SCN9A: variants seen among roughly 807,000 people sequenced by gnomAD.
SCN9A encodes the protein sodium channel protein type 9 subunit alpha.
SCN9A carries 131 observed loss-of-function variants against 187.0 expected under a neutral mutation model. That is an observed-to-expected ratio of 0.70 (90% CI 0.61 to 0.81). The LOEUF (loss-of-function observed/expected upper bound fraction) is 0.81, where lower values mean the gene tolerates loss of function less well. Among genes scored for constraint, SCN9A ranks in the 30% least tolerant of loss-of-function variants. SCN9A has a pLI of 0.00. For synonymous variants in SCN9A, 809 were observed against 808.6 expected (o/e 1.00, Z -0.01); for missense variants, 2,252 against 2,396.6 (o/e 0.94, Z 1.26).
intron 24 of SCN9A, among the ~76,000 whole-genome samples, chr2:166,209,823 A>G (rs1159944440): frequency 1.3e-5 from 2 of 152,144 alleles, no homozygotes; most frequent in African/African-American, 4.8e-5. Context: ...GCTGGAGAGG[A>G]TGTGGAGAAA....
intron 21 of SCN9A, among the ~76,000 whole-genome samples, 153 bp downstream of exon 21, chr2:166,233,187 G>GTATATA (rs1695169445): frequency 3.8e-5 from 3 of 78,062 alleles, no homozygotes; most frequent in African/African-American, 1.6e-4. Flanking sequence ...ATACATATAT[G>GTATATA]CATATGTATA....
chr2:166,331,368 T>C (rs979305724), intron 1 of SCN9A, among the ~76,000 whole-genome samples: 1 of 152,190 alleles, frequency 6.6e-6, no homozygotes, highest in African/African-American at 2.4e-5. Context: ...AAATTTTCAG[T>C]ATTACTGTCA....
intron 1 of SCN9A, among the ~76,000 whole-genome samples, chr2:166,328,261 T>A (rs1405968603): frequency 6.6e-6 from 1 of 151,738 alleles, no homozygotes; most frequent in Non-Finnish European, 1.5e-5. Context: ...ATTTTTTTTT[T>A]AACTTTTATT....
chr2:166,361,392 T>G (rs192366053), intron 1 of SCN9A, among the ~76,000 whole-genome samples: 1 of 152,254 alleles, frequency 6.6e-6, no homozygotes, highest in Non-Finnish European at 1.5e-5. Context: ...GACTAAAATG[T>G]ATGCTTATAG....
At chr2:166,245,438 A>C (rs1695744720) in intron 18 of SCN9A, among the ~76,000 whole-genome samples, 1 of 152,118 alleles carries the variant, frequency 6.6e-6, no homozygotes, top group South Asian at 2.1e-4. Flanking sequence ...GAGATGAACA[A>C]GAAGGACCAA....
At chr2:166,200,472 T>G (rs1480329876) in intron 26 of SCN9A, among the ~76,000 whole-genome samples, 1 of 152,062 alleles carries the variant, frequency 6.6e-6, no homozygotes, top group African/African-American at 2.4e-5. Flanking sequence ...ACATAGAAAA[T>G]TCAAGCAATA....
intron 18 of SCN9A, among the ~76,000 whole-genome samples, chr2:166,251,235 T>C (rs1357825928): frequency 6.6e-6 from 1 of 151,862 alleles, no homozygotes; most frequent in East Asian, 1.9e-4. Context: ...TGGGGAGAAA[T>C]CATTATTTAC....
chr2:166,323,405 C>G (rs909022493), intron 1 of SCN9A, among the ~76,000 whole-genome samples: 8 of 152,272 alleles, frequency 5.3e-5, no homozygotes, highest in African/African-American at 1.9e-4. Flanking sequence ...GGGGGACTTC[C>G]TTTCATCCCC....
intron 24 of SCN9A, among the ~76,000 whole-genome samples, chr2:166,223,797 T>C (rs1409539450): frequency 2.0e-5 from 3 of 152,214 alleles, no homozygotes; most frequent in African/African-American, 7.2e-5. Flanking sequence ...TTGTTTTTTT[T>C]CTTTGGAATA....
At chr2:166,203,192 A>C (rs927219948) in intron 26 of SCN9A, among the ~76,000 whole-genome samples, 22 of 152,022 alleles carry the variant, frequency 1.4e-4, no homozygotes, top group African/African-American at 4.6e-4. Flanking sequence ...TTATGATTCT[A>C]AGTCATGCAA....
At chr2:166,274,666 C>T (rs1362543457) in intron 16 of SCN9A, among the ~76,000 whole-genome samples, 2 of 152,050 alleles carry the variant, frequency 1.3e-5, no homozygotes, top group African/African-American at 4.8e-5. Flanking sequence ...TGTATACTTT[C>T]TTTGCCAAGA....
At chr2:166,336,931 C>G (rs16826112) in intron 1 of SCN9A, among the ~76,000 whole-genome samples, 6,994 of 151,970 alleles carry the variant, frequency 0.046, 355 homozygotes, top group African/African-American at 0.13. Flanking sequence ...ATTTCCTTAA[C>G]AAAGAAAGTG....
chr2:166,345,972 A>C (rs1272080391), intron 1 of SCN9A, among the ~76,000 whole-genome samples: 1 of 152,172 alleles, frequency 6.6e-6, no homozygotes, highest in Admixed American at 6.6e-5. Flanking sequence ...AGTATTCTGC[A>C]CTAAAATGGC....
At chr2:166,312,863 A>G (rs1419608070) in intron 1 of SCN9A, among the ~76,000 whole-genome samples, 3 of 150,622 alleles carry the variant, frequency 2.0e-5, no homozygotes, top group Middle Eastern at 3.2e-3. Flanking sequence ...GGCCTAAAAT[A>G]TTTAGTGAAC....
intron 1 of SCN9A, among the ~76,000 whole-genome samples, chr2:166,332,067 T>C (rs1309280307): frequency 6.6e-6 from 1 of 152,164 alleles, no homozygotes; most frequent in Non-Finnish European, 1.5e-5. Context: ...TTTTAAGTGG[T>C]GAGGCCATCA....
chr2:166,335,607 G>A (rs1699607688), intron 1 of SCN9A, among the ~76,000 whole-genome samples: 2 of 152,128 alleles, frequency 1.3e-5, no homozygotes, highest in Non-Finnish European at 2.9e-5. Flanking sequence ...ACAGGGTGAT[G>A]TTCGGGACTG....
intron 3 of SCN9A, 75 bp from the exon 4 acceptor site, chr2:166,306,674 CT>C: frequency 9.3e-7 from 1 of 1,075,660 alleles, no homozygotes; most frequent in Non-Finnish European, 1.4e-6. Flanking sequence ...TGTTGAAATG[CT>C]TACAACTTTT....
intron 9 of SCN9A, among the ~76,000 whole-genome samples, chr2:166,289,549 T>C (rs1025586735): frequency 7.9e-5 from 12 of 152,316 alleles, no homozygotes; most frequent in Admixed American, 2.0e-4. Flanking sequence ...TTCCATGGTG[T>C]ATATGTGCCA....
chr2:166,292,568 T>C (rs1167326012), intron 9 of SCN9A, among the ~76,000 whole-genome samples: 1 of 152,044 alleles, frequency 6.6e-6, no homozygotes, highest in Admixed American at 6.6e-5. Flanking sequence ...AAGTGAATCA[T>C]TGTTATGTGT....
Sources: allele counts gnomAD v4.1 joint callset (sites outside exome capture counted in the v4.1 genomes callset), GRCh38; gene constraint gnomAD v4.1.1; transcripts MANE v1.5; gene names NCBI Gene and HGNC (gene_info 2026-07-23, HGNC 2026-07-21).